MYO9B: variants seen among roughly 807,000 people sequenced by gnomAD.
MYO9B encodes unconventional myosin-IXb.
MYO9B carries 71 observed loss-of-function variants against 229.5 expected under a neutral mutation model. The observed-to-expected ratio is 0.31, with a 90% CI of 0.26 to 0.38. The LOEUF is 0.38. Ranked by LOEUF, MYO9B falls within the 10% of genes least tolerant of loss-of-function variation. MYO9B has a pLI of 1.00. For synonymous variants in MYO9B, 1,185 were observed against 1,235.8 expected (o/e 0.96, Z 0.86); for missense variants, 2,255 against 2,920.5 (o/e 0.77, Z 5.25).
intron 1 of MYO9B, among the ~76,000 whole-genome samples, chr19:17,086,211 G>A (rs1246991506): frequency 6.6e-6 from 1 of 152,148 alleles, no homozygotes; most frequent in African/African-American, 2.4e-5. Context: ...CATTTGCAGG[G>A]CCCTGGAAGA....
chr19:17,205,391 G>A lies in MYO9B; in HGVS notation c.5064+55G>A, dbSNP rs999117083. 7.8e-6 allele frequency: 12 copies of A among 1,544,080 alleles called. No individual in the cohort carries two copies. In the East Asian group the frequency reaches 1.8e-4, roughly 23 times the overall value. On this transcript the variant is annotated intron_variant, in intron 31 of 39. Coordinates refer to ENST00000682292, the MANE Select transcript of MYO9B (RefSeq NM_004145.4). ...AATGACACTCCACTCACGGCCAGGT[G>A]CACCAGGAGGTGGTGCTTGATGTGA...
chr19:17,162,415 G>A lies in MYO9B; in HGVS notation c.1485G>A (p.Leu495=). 1 of 1,587,980 alleles carries A rather than the reference G, an allele frequency of 6.3e-7. No individual in the cohort carries two copies. The change falls in exon 9 of 40, where the codon CTG becomes CTA. Residue 495 remains leucine (L), a synonymous_variant. Transcript: ENST00000682292. Reference sequence around the variant, plus strand: ...GCGCCCTGTTCGACTGGATTGTGCTGCGGATCAACCACGCACTCCTCAACA... The same window carrying A: ...GCGCCCTGTTCGACTGGATTGTGCTACGGATCAACCACGCACTCCTCAACA... ...LYSALFDWIV[L]RINHALLNKK...
intron 3 of MYO9B, among the ~76,000 whole-genome samples, chr19:17,152,160 C>T (rs1157405022): frequency 6.9e-6 from 1 of 145,150 alleles, no homozygotes; most frequent in South Asian, 2.2e-4. Context: ...GCACTCCAGC[C>T]TGGGCAACAG....
At chr19:17,153,905 C>A in intron 4 of MYO9B, 62 bp from the exon 5 acceptor site, 1 of 1,228,572 alleles carries the variant, frequency 8.1e-7, no homozygotes, top group South Asian at 1.2e-5. Context: ...AGTAGTGGTT[C>A]GCAGAGTAGC....
intron 18 of MYO9B, among the ~76,000 whole-genome samples, chr19:17,187,373 C>T (rs1002601520): frequency 2.6e-5 from 4 of 152,072 alleles, no homozygotes; most frequent in African/African-American, 9.7e-5. Context: ...ATCCCCAGCA[C>T]TTACCCCAGT....
intron 3 of MYO9B, among the ~76,000 whole-genome samples, chr19:17,150,974 T>C (rs1568274953): frequency 8.8e-6 from 1 of 113,382 alleles, no homozygotes; most frequent in Admixed American, 9.1e-5. Context: ...TTTAACTGCT[T>C]GGCACAGAGA....
intron 15 of MYO9B, among the ~76,000 whole-genome samples, chr19:17,182,812 A>C (rs1378507288): frequency 6.6e-6 from 1 of 152,078 alleles, no homozygotes; most frequent in Non-Finnish European, 1.5e-5. Context: ...TGAATAAATA[A>C]ATATATTTAC....
At chr19:17,169,736 C>T (rs2145348180) in intron 11 of MYO9B, among the ~76,000 whole-genome samples, 1 of 151,758 alleles carries the variant, frequency 6.6e-6, no homozygotes, top group South Asian at 2.1e-4. Context: ...TCCCTGCCTC[C>T]CTCTTCCTCT....
chr19:17,117,024 C>T (rs775511807), intron 2 of MYO9B, among the ~76,000 whole-genome samples: 7 of 152,100 alleles, frequency 4.6e-5, no homozygotes, highest in Non-Finnish European at 7.4e-5. Flanking sequence ...TTTTAAGCAC[C>T]ATAAAAAGGT....
At position 17,181,032 on chromosome 19, in the gene MYO9B, C is replaced by T. The variant is rs772939869; in HGVS notation, c.2325C>T (p.Ala775=). The change falls in exon 15 of 40, where the codon GCC becomes GCT. Residue 775 remains alanine (A), a synonymous_variant. Coordinates refer to ENST00000682292, the MANE Select transcript of MYO9B (RefSeq NM_004145.4). The stretch of plus-strand genomic sequence containing the variant: ...TCAGTCGGCTCCAGAAACCCCGCGC[C>T]TTCATCCTGTGAGTCCCCCACCAAG... ...QSLSRLQKPR[A]FILKSKGIKQ... is the part of the protein sequence containing the mutation. 2 of 1,608,422 alleles carry T rather than the reference C, an allele frequency of 1.2e-6. No individual in the cohort carries two copies. Among genetic ancestry groups the T allele is most frequent in the South Asian group, 2.2e-5 (2 of 90,060 alleles).
intron 2 of MYO9B, among the ~76,000 whole-genome samples, chr19:17,113,645 C>G (rs1000577577): frequency 5.3e-5 from 8 of 152,244 alleles, no homozygotes; most frequent in South Asian, 2.1e-4. Context: ...GGGGGGTGAG[C>G]TGGGCACCCC....
chr19:17,153,769 A>T (rs1461542474), intron 4 of MYO9B, among the ~76,000 whole-genome samples, 198 bp from the exon 5 acceptor site: 4 of 152,020 alleles, frequency 2.6e-5, no homozygotes, highest in Non-Finnish European at 4.4e-5. Flanking sequence ...ACCCACCTCC[A>T]ATCCTCCAGA....
intron 10 of MYO9B, among the ~76,000 whole-genome samples, chr19:17,167,016 G>A (rs2072666952): frequency 1.3e-5 from 2 of 149,902 alleles, no homozygotes; most frequent in African/African-American, 5.1e-5. Context: ...TACAGTGTGG[G>A]GATCCCTTAT....
At position 17,101,612 on chromosome 19, in the gene MYO9B, A is replaced by G. The variant is rs2057745099; in HGVS notation, c.-58-48A>G. 1.4e-6 allele frequency: 2 copies of G among 1,436,650 alleles called. No homozygotes were observed. The highest frequency in any genetic ancestry group is 1.8e-6 in the Non-Finnish European group (2 of 1,096,842). The allele number at this position is 1,436,650 out of a possible 1,614,324, so 89.0% of individuals were successfully genotyped here. A position where few individuals can be genotyped will look rare whatever the true frequency, so the allele number is the denominator to read the frequency against. On this transcript the variant is annotated intron_variant, in intron 1 of 39. Coordinates refer to ENST00000682292, the MANE Select transcript of MYO9B (RefSeq NM_004145.4). The surrounding 1 kb of genome is among the most constrained non-coding windows in gnomAD (Gnocchi z 4.7). The stretch of plus-strand genomic sequence containing the variant: ...GAGTGGGACTCCACATGCCCCTTAA[A>G]CTTCCTCCCACCATTCTGACCATGC...
intron 11 of MYO9B, among the ~76,000 whole-genome samples, chr19:17,169,903 G>A (rs951418209): frequency 4.8e-5 from 7 of 144,806 alleles, no homozygotes; most frequent in South Asian, 2.2e-4. Context: ...GTTAATTGGC[G>A]TCATCTCAGC....
At chr19:17,191,671 C>A (rs963617114) in intron 20 of MYO9B, among the ~76,000 whole-genome samples, 2 of 152,160 alleles carry the variant, frequency 1.3e-5, no homozygotes, top group Admixed American at 1.3e-4. Flanking sequence ...GAAGGCCTCA[C>A]CTGGTGTAAA....
chr19:17,161,192 A>G (rs1241525725), intron 8 of MYO9B, among the ~76,000 whole-genome samples: 2 of 152,056 alleles, frequency 1.3e-5, no homozygotes, highest in African/African-American at 2.4e-5. Context: ...TGCTGGTTCT[A>G]CCACAGTCGC....
intron 2 of MYO9B, among the ~76,000 whole-genome samples, chr19:17,112,445 C>T (rs187308161): frequency 4.9e-4 from 74 of 152,304 alleles, no homozygotes; most frequent in African/African-American, 1.5e-3. Flanking sequence ...GCAGGGCGGA[C>T]GGGCCGGCTG....
In MYO9B at chr19:17,102,248, G is replaced by A. The variant is rs371821986; in HGVS notation, c.531G>A (p.Thr177=). The change falls in exon 2 of 40, where the codon ACG becomes ACA. Residue 177 remains threonine, a synonymous_variant. Transcript: ENST00000682292. ...GCTTCCTGCAACAAAAGATCTACAC[G>A]TACGCGGGGAGCATCCTGGTGGCCA... ...KHRFLQQKIY[T]YAGSILVAIN... 113 of 1,614,030 alleles carry A rather than the reference G, an allele frequency of 7.0e-5. No individual in the cohort carries two copies. The highest frequency in any genetic ancestry group is 6.7e-4 in the East Asian group (30 of 44,888).
Sources: allele counts gnomAD v4.1 joint callset (sites outside exome capture counted in the v4.1 genomes callset), GRCh38; gene constraint gnomAD v4.1.1; non-coding constraint Gnocchi (gnomAD v3.1); transcripts MANE v1.5; gene names NCBI Gene and HGNC (gene_info 2026-07-23, HGNC 2026-07-21).